DNM3: variants seen among roughly 807,000 people sequenced by gnomAD.
DNM3 encodes dynamin-3.
Under a neutral mutation model 101.6 loss-of-function variants are expected in DNM3, and 47 were observed. The observed-to-expected ratio is 0.46, with a 90% confidence interval of 0.37 to 0.59. The LOEUF (loss-of-function observed/expected upper bound fraction) is 0.59, where lower values mean the gene tolerates loss of function less well. DNM3 is among the 20% of genes least tolerant of loss of function. The pLI, the probability that DNM3 is intolerant of heterozygous loss-of-function variation, is 0.00. For missense variants in DNM3, 849 were observed against 1,085.7 expected, an observed-to-expected ratio of 0.78 and a Z score of 3.06; for synonymous variants, 385 against 387.9, an observed-to-expected ratio of 0.99 and a Z score of 0.09.
intron 4 of DNM3, among the ~76,000 whole-genome samples, chr1:172,030,069 A>T (rs1361243973): frequency 6.6e-6 from 1 of 152,216 alleles, no homozygotes; most frequent in East Asian, 1.9e-4. Flanking sequence ...TAAATTTCAT[A>T]TGGAAACCAA....
chr1:172,352,779 A>G (rs1462182678), intron 17 of DNM3, among the ~76,000 whole-genome samples: 2 of 152,142 alleles, frequency 1.3e-5, no homozygotes, highest in Non-Finnish European at 2.9e-5. Context: ...CTGGCTTCTA[A>G]TATATTAATG....
At chr1:172,211,229 C>T (rs890950261) in intron 14 of DNM3, among the ~76,000 whole-genome samples, 5 of 152,104 alleles carry the variant, frequency 3.3e-5, no homozygotes, top group African/African-American at 2.4e-5. Flanking sequence ...AGACAGAGAG[C>T]GAGATTTTTC....
chr1:172,214,010 A>G (rs1484206380), intron 14 of DNM3, among the ~76,000 whole-genome samples: 1 of 152,154 alleles, frequency 6.6e-6, no homozygotes, highest in East Asian at 1.9e-4. Flanking sequence ...TTTTCCTGAT[A>G]CTGTGGCCTT....
intron 10 of DNM3, among the ~76,000 whole-genome samples, chr1:172,050,933 C>T (rs1399605183): frequency 1.3e-5 from 2 of 152,064 alleles, no homozygotes; most frequent in Non-Finnish European, 2.9e-5. Context: ...AGCCAACAGT[C>T]AGTTCTGATG....
At chr1:171,843,667 G>T (rs1448830732) in intron 1 of DNM3, among the ~76,000 whole-genome samples, 1 of 152,140 alleles carries the variant, frequency 6.6e-6, no homozygotes, top group Non-Finnish European at 1.5e-5. Context: ...AATGTCAGTT[G>T]TATGCACATA....
At chr1:171,914,571 T>C (rs530621962) in intron 1 of DNM3, among the ~76,000 whole-genome samples, 40 of 152,360 alleles carry the variant, frequency 2.6e-4, no homozygotes, top group African/African-American at 9.4e-4. Context: ...GTCAATAATA[T>C]TGGCCCACCT....
rs1341313685 is a variant in DNM3 at position 171,921,740 on chromosome 1, T to G, written c.162-8T>G. On this transcript the variant is annotated splice_region_variant and splice_polypyrimidine_tract_variant and intron_variant, in intron 1 of 20. Transcript: ENST00000627582. ...CATGCCTTAATCTGTATTTCTTACT[T>G]TTTTTAGGGACTTTCTCCCTCGAGG... 1 of 1,575,338 alleles carries G rather than the reference T, an allele frequency of 6.3e-7. No homozygotes were observed. Among genetic ancestry groups the G allele is most frequent in the Non-Finnish European group, 8.6e-7 (1 of 1,158,412 alleles).
At chr1:172,036,920 A>G (rs1403617342) in intron 6 of DNM3, among the ~76,000 whole-genome samples, 1 of 152,156 alleles carries the variant, frequency 6.6e-6, no homozygotes, top group African/African-American at 2.4e-5. Flanking sequence ...AATATCCAGA[A>G]TCTACAATGA....
chr1:172,082,340 T>C (rs1411062945), intron 12 of DNM3, among the ~76,000 whole-genome samples: 2 of 152,128 alleles, frequency 1.3e-5, no homozygotes, highest in Non-Finnish European at 2.9e-5. Flanking sequence ...TTTTTTTTTT[T>C]TAAACTTTGC....
At chr1:171,990,694 C>G (rs2045574173) in intron 4 of DNM3, among the ~76,000 whole-genome samples, 1 of 152,062 alleles carries the variant, frequency 6.6e-6, no homozygotes, top group Non-Finnish European at 1.5e-5. Flanking sequence ...AGCCTTCAGC[C>G]AATTCTTTTA....
At chr1:172,194,490 A>T (rs932608084) in intron 14 of DNM3, among the ~76,000 whole-genome samples, 17 of 152,002 alleles carry the variant, frequency 1.1e-4, no homozygotes, top group Non-Finnish European at 2.4e-4. Flanking sequence ...TATATGTGGG[A>T]GTCTAAGTCT....
At chr1:172,065,142 G>A (rs1461294156) in intron 10 of DNM3, among the ~76,000 whole-genome samples, 1 of 152,196 alleles carries the variant, frequency 6.6e-6, no homozygotes, top group Non-Finnish European at 1.5e-5. Flanking sequence ...CTTAATGATG[G>A]CCATATACTG....
chr1:172,068,930 G>T (rs1395985724), intron 11 of DNM3, 25 bp downstream of exon 11: 1 of 1,544,718 alleles, frequency 6.5e-7, no homozygotes, highest in Non-Finnish European at 8.8e-7. Context: ...TCCCTGGTGG[G>T]CAGGGAGATT....
chr1:172,318,206 T>A (rs563678412), intron 16 of DNM3, among the ~76,000 whole-genome samples: 1 of 152,274 alleles, frequency 6.6e-6, no homozygotes, highest in African/African-American at 2.4e-5. Context: ...CTATAAACTC[T>A]CAATAAATTA....
chr1:172,161,984 T>C (rs1045665206), intron 14 of DNM3, among the ~76,000 whole-genome samples: 2 of 152,112 alleles, frequency 1.3e-5, no homozygotes, highest in Non-Finnish European at 2.9e-5. Context: ...AGTGTGATTC[T>C]CTAAGGCAAT....
intron 17 of DNM3, among the ~76,000 whole-genome samples, chr1:172,359,954 C>A (rs1174003393): frequency 2.0e-5 from 3 of 151,978 alleles, no homozygotes; most frequent in Non-Finnish European, 4.4e-5. Flanking sequence ...CATTAAAACA[C>A]AAGACTTTCC....
chr1:172,325,545 C>T (rs2065905765), intron 17 of DNM3, among the ~76,000 whole-genome samples: 1 of 150,282 alleles, frequency 6.7e-6, no homozygotes. Flanking sequence ...AAAAAGCCTC[C>T]TCAAATCACA....
intron 2 of DNM3, among the ~76,000 whole-genome samples, chr1:171,961,710 C>T (rs1365628693): frequency 1.3e-5 from 2 of 152,040 alleles, no homozygotes; most frequent in Non-Finnish European, 2.9e-5. Context: ...TGTGTCCATC[C>T]ACAGATGAAT....
chr1:172,049,497 A>G (rs568067437), intron 10 of DNM3, among the ~76,000 whole-genome samples: 25 of 152,194 alleles, frequency 1.6e-4, no homozygotes, highest in Non-Finnish European at 3.1e-4. Flanking sequence ...TCTATGCTGT[A>G]GAGTGCTGGG....
Sources: allele counts gnomAD v4.1 joint callset (sites outside exome capture counted in the v4.1 genomes callset), GRCh38; gene constraint gnomAD v4.1.1; transcripts MANE v1.5; gene names NCBI Gene and HGNC (gene_info 2026-07-23, HGNC 2026-07-21).